The following CPPED1 variants were observed in gnomAD, a reference collection of about 807,000 sequenced individuals.
CPPED1 encodes the protein calcineurin like phosphoesterase domain containing 1, also known as serine/threonine-protein phosphatase CPPED1.
Under a neutral mutation model 28.0 loss-of-function variants are expected in CPPED1, and 28 were observed. That is an observed-to-expected ratio of 1.00 (90% confidence interval 0.74 to 1.37). CPPED1 has a LOEUF of 1.37. Among genes scored for constraint, CPPED1 ranks in the 40% most tolerant of loss-of-function variants. The pLI, the probability that CPPED1 is intolerant of heterozygous loss-of-function variation, is 0.00. For missense variants in CPPED1, 504 were observed against 416.5 expected, an observed-to-expected ratio of 1.21 and a Z score of -1.83; for synonymous variants, 198 against 180.2, an observed-to-expected ratio of 1.10 and a Z score of -0.79.
chr16:12,796,648 G>T (rs1410489982), intron 1 of CPPED1, among the ~76,000 whole-genome samples: 1 of 152,190 alleles, frequency 6.6e-6, no homozygotes, highest in Non-Finnish European at 1.5e-5. Context: ...TGGCGCATCT[G>T]CTTTGGAAAA....
At chr16:12,761,692 C>T (rs2080410750) in intron 2 of CPPED1, among the ~76,000 whole-genome samples, 1 of 152,108 alleles carries the variant, frequency 6.6e-6, no homozygotes, top group African/African-American at 2.4e-5. Flanking sequence ...AAAGTTTGGG[C>T]TTAATCTTCA....
Position 12,660,745 on chromosome 16 carries a change from C to T in CPPED1, c.*4141G>A, listed in dbSNP as rs1052563563. 10 of 152,318 alleles carry T rather than the reference C, an allele frequency of 6.6e-5. No individual in the cohort carries two copies. Among genetic ancestry groups the T allele is most frequent in the African/African-American group, 2.4e-4 (10 of 41,572 alleles). The allele number at this position is 152,318 out of a possible 1,614,324, so 9.4% of individuals were successfully genotyped here. A position where few individuals can be genotyped will look rare whatever the true frequency, so the allele number is the denominator to read the frequency against. On this transcript the variant is annotated 3_prime_UTR_variant, in exon 4 of 4. Coordinates refer to ENST00000381774, the MANE Select transcript of CPPED1 (RefSeq NM_018340.3). ...CTCCTAAATCTTCTTTTTCCTCCAG[C>T]TCAATATAATATTGCTACCTAATAT...
chr16:12,721,012 T>C lies in CPPED1; in HGVS notation c.290-15963A>G, dbSNP rs552888195. Among the ~76,000 whole-genome samples, 5 of 152,306 alleles carry C rather than the reference T, an allele frequency of 3.3e-5. No individual in the cohort carries two copies. The South Asian group carries it at 6.2e-4, about 19-fold the overall frequency. The stretch of plus-strand genomic sequence containing the variant: ...AGCCACTGGTAAAGCCCTAGATGGA[T>C]AGGATGAGCTCTTGGCCACAAAGCT... On this transcript the variant is annotated intron_variant, in intron 2 of 3. Coordinates refer to ENST00000381774, the MANE Select transcript of CPPED1 (RefSeq NM_018340.3).
At chr16:12,777,804 A>C (rs1047245828) in intron 2 of CPPED1, among the ~76,000 whole-genome samples, 9 of 144,654 alleles carry the variant, frequency 6.2e-5, no homozygotes, top group Non-Finnish European at 1.3e-4. Context: ...TTGCACACAG[A>C]CATTTTTGTG....
chr16:12,740,642 C>T (rs919875202), intron 2 of CPPED1, among the ~76,000 whole-genome samples: 8 of 152,050 alleles, frequency 5.3e-5, no homozygotes, highest in African/African-American at 1.9e-4. Flanking sequence ...GAGTGCTTGG[C>T]CCACTCCTTT....
chr16:12,710,786 G>A (rs1331297429), intron 2 of CPPED1, among the ~76,000 whole-genome samples: 2 of 152,168 alleles, frequency 1.3e-5, no homozygotes, highest in Non-Finnish European at 2.9e-5. Flanking sequence ...ACCACAATGA[G>A]ACGCCACTTC....
intron 1 of CPPED1, among the ~76,000 whole-genome samples, chr16:12,784,932 T>C (rs1050732053): frequency 2.0e-5 from 3 of 152,252 alleles, no homozygotes; most frequent in African/African-American, 7.2e-5. Flanking sequence ...CTCAATTTTA[T>C]GTGACAAAGT....
At chr16:12,688,087 T>A (rs1283091519) in intron 3 of CPPED1, among the ~76,000 whole-genome samples, 2 of 151,206 alleles carry the variant, frequency 1.3e-5, no homozygotes, top group African/African-American at 2.4e-5. Flanking sequence ...TACACTGCAG[T>A]GGTGCGATCA....
intron 2 of CPPED1, among the ~76,000 whole-genome samples, chr16:12,720,555 T>C (rs1455180789): frequency 1.3e-5 from 2 of 152,238 alleles, no homozygotes; most frequent in East Asian, 3.8e-4. Flanking sequence ...TGGCGCAATC[T>C]TGGCTCACTG....
At chr16:12,778,277 CTTT>C (rs371883790) in intron 2 of CPPED1, among the ~76,000 whole-genome samples, 3 of 116,154 alleles carry the variant, frequency 2.6e-5, no homozygotes, top group Non-Finnish European at 3.4e-5. Flanking sequence ...TTCTTTCTTT[CTTT>C]TTTTTTTTTT....
chr16:12,769,192 T>C (rs1004839568), intron 2 of CPPED1, among the ~76,000 whole-genome samples: 16 of 152,276 alleles, frequency 1.1e-4, no homozygotes, highest in African/African-American at 3.9e-4. Context: ...TTTGAAACTA[T>C]GACAGTTATT....
chr16:12,765,475 TG>T, intron 2 of CPPED1, among the ~76,000 whole-genome samples: 1 of 152,264 alleles, frequency 6.6e-6, no homozygotes, highest in Admixed American at 6.5e-5. Flanking sequence ...TAGGCAGCTT[TG>T]TATGATATAA....
At chr16:12,681,388 A>T (rs1196210788) in intron 3 of CPPED1, among the ~76,000 whole-genome samples, 3 of 152,108 alleles carry the variant, frequency 2.0e-5, no homozygotes, top group Non-Finnish European at 1.5e-5. Flanking sequence ...GGCCCTCACC[A>T]GATACAGCCC....
At chr16:12,705,912 C>T (rs560884537) in intron 2 of CPPED1, among the ~76,000 whole-genome samples, 1 of 152,230 alleles carries the variant, frequency 6.6e-6, no homozygotes, top group African/African-American at 2.4e-5. Flanking sequence ...CCTTTTCTTT[C>T]GGCCTGTTGA....
intron 2 of CPPED1, among the ~76,000 whole-genome samples, chr16:12,766,690 A>G (rs1192968966): frequency 6.6e-6 from 1 of 152,068 alleles, no homozygotes; most frequent in Non-Finnish European, 1.5e-5. Context: ...AATTGCTTGA[A>G]CCAGGGGGGC....
chr16:12,731,890 T>G (rs1314084429), intron 2 of CPPED1, among the ~76,000 whole-genome samples: 2 of 150,320 alleles, frequency 1.3e-5, no homozygotes, highest in Middle Eastern at 3.5e-3. Context: ...AGGCTGGGTG[T>G]GGTGGCTCAC....
intron 2 of CPPED1, among the ~76,000 whole-genome samples, chr16:12,752,052 C>T (rs1415974854): frequency 1.3e-5 from 2 of 152,156 alleles, no homozygotes; most frequent in African/African-American, 4.8e-5. Context: ...AAGCATTTCC[C>T]ACTCTATCCC....
intron 3 of CPPED1, among the ~76,000 whole-genome samples, chr16:12,698,109 C>T (rs1457725360): frequency 6.6e-6 from 1 of 152,068 alleles, no homozygotes; most frequent in African/African-American, 2.4e-5. Context: ...GACTCTGACC[C>T]CAACCCCCAC....
intron 3 of CPPED1, among the ~76,000 whole-genome samples, chr16:12,681,243 T>C (rs1316081151): frequency 6.6e-6 from 1 of 151,900 alleles, no homozygotes; most frequent in Non-Finnish European, 1.5e-5. Flanking sequence ...TAAGAGATGA[T>C]TAGGTCACGG....
Sources: gnomAD v4.1 joint callset for allele counts (sites outside exome capture counted in the v4.1 genomes callset) on GRCh38, gnomAD v4.1.1 for gene constraint, MANE v1.5 for transcripts, NCBI Gene and HGNC (gene_info 2026-07-23, HGNC 2026-07-21) for gene names.